Variants in GLI3 observed in about 807,000 individuals in gnomAD.
The protein encoded by GLI3 is GLI family zinc finger 3, also known as transcription activator GLI3.
In GLI3, 20 loss-of-function variants were observed where a neutral mutation model predicts 100.8. That is an observed-to-expected ratio of 0.20 (90% CI 0.14 to 0.29). The LOEUF (loss-of-function observed/expected upper bound fraction) is 0.29, where lower values mean the gene tolerates loss of function less well. Among genes scored for constraint, GLI3 ranks in the 10% least tolerant of loss-of-function variants. The pLI is 1.00. For synonymous variants in GLI3, 938 were observed against 860.5 expected (o/e 1.09, Z -1.58); for missense variants, 2,040 against 2,128.5 (o/e 0.96, Z 0.82).
chr7:42,112,394 A>G (rs1464203207), intron 3 of GLI3, among the ~76,000 whole-genome samples: 1 of 152,194 alleles, frequency 6.6e-6, no homozygotes, highest in Admixed American at 6.5e-5. Flanking sequence ...AGAATGAATA[A>G]GATCTAGTAT....
chr7:42,203,779 A>G (rs1455496840), intron 2 of GLI3, among the ~76,000 whole-genome samples: 1 of 152,112 alleles, frequency 6.6e-6, no homozygotes, highest in Non-Finnish European at 1.5e-5. Flanking sequence ...CAGGCAGATC[A>G]TTTGAGACCA....
At chr7:42,003,164 A>G (rs1275971593) in intron 10 of GLI3, among the ~76,000 whole-genome samples, 3 of 152,250 alleles carry the variant, frequency 2.0e-5, no homozygotes, top group Non-Finnish European at 4.4e-5. Context: ...ACACAAATAT[A>G]ATTACAGACT....
At chr7:42,128,533 A>T (rs79500588) in intron 3 of GLI3, among the ~76,000 whole-genome samples, 2 of 152,358 alleles carry the variant, frequency 1.3e-5, no homozygotes, top group East Asian at 1.9e-4. Flanking sequence ...GTTTTTAGGT[A>T]GAAGTTTAGA....
intron 10 of GLI3, among the ~76,000 whole-genome samples, chr7:42,019,297 T>C (rs1309504832): frequency 3.3e-5 from 5 of 152,208 alleles, no homozygotes; most frequent in East Asian, 1.9e-4. Context: ...ATATACAATG[T>C]CATGCACAAC....
At chr7:42,121,360 G>A (rs10242174) in intron 3 of GLI3, among the ~76,000 whole-genome samples, 36,993 of 152,164 alleles carry the variant, frequency 0.24, 4,956 homozygotes, top group South Asian at 0.39. Flanking sequence ...CAGATGCTGC[G>A]TGTCCTGGGA....
At chr7:42,119,133 G>A (rs1785932843) in intron 3 of GLI3, among the ~76,000 whole-genome samples, 2 of 152,182 alleles carry the variant, frequency 1.3e-5, no homozygotes, top group African/African-American at 2.4e-5. Flanking sequence ...AAGGGAAGCC[G>A]AGGCCTCTGA....
intron 10 of GLI3, among the ~76,000 whole-genome samples, chr7:42,014,780 G>T (rs1367712020): frequency 6.6e-6 from 1 of 152,118 alleles, no homozygotes; most frequent in Non-Finnish European, 1.5e-5. Context: ...TGCATGAAGC[G>T]TTTTCTTCTA....
chr7:42,134,970 A>G (rs1478130002), intron 3 of GLI3, among the ~76,000 whole-genome samples: 1 of 152,166 alleles, frequency 6.6e-6, no homozygotes, highest in Non-Finnish European at 1.5e-5. Flanking sequence ...GAAGAAGGGA[A>G]ATGTTAATTA....
intron 2 of GLI3, among the ~76,000 whole-genome samples, chr7:42,156,536 A>G (rs942968909): frequency 1.3e-5 from 2 of 152,224 alleles, no homozygotes; most frequent in African/African-American, 4.8e-5. Flanking sequence ...CTTACTTTGC[A>G]CATACAGACC....
intron 3 of GLI3, among the ~76,000 whole-genome samples, chr7:42,079,254 C>G (rs981973883): frequency 1.3e-5 from 2 of 152,082 alleles, no homozygotes; most frequent in African/African-American, 2.4e-5. Flanking sequence ...TAAAAGCCAC[C>G]CTCTGTAGAG....
At chr7:42,100,724 A>G (rs186711005) in intron 3 of GLI3, among the ~76,000 whole-genome samples, 254 of 152,294 alleles carry the variant, frequency 1.7e-3, no homozygotes, top group African/African-American at 5.8e-3. Flanking sequence ...TGTGGGTGAC[A>G]GAGCAAGACT....
intron 3 of GLI3, among the ~76,000 whole-genome samples, chr7:42,133,466 C>T (rs528172903): frequency 6.6e-6 from 1 of 152,194 alleles, no homozygotes; most frequent in Non-Finnish European, 1.5e-5. Flanking sequence ...CTAATTGCAC[C>T]GAGTTCCCTC....
intron 4 of GLI3, among the ~76,000 whole-genome samples, chr7:42,064,153 A>T (rs997309240): frequency 1.3e-5 from 2 of 152,154 alleles, no homozygotes; most frequent in African/African-American, 4.8e-5. Context: ...TTTTCAGCAG[A>T]GCTTCACATA....
chr7:42,154,919 T>C (rs920458192), intron 2 of GLI3, among the ~76,000 whole-genome samples: 4 of 152,106 alleles, frequency 2.6e-5, no homozygotes, highest in African/African-American at 9.7e-5. Context: ...CCATTGACAA[T>C]GACGGATGAC....
intron 3 of GLI3, among the ~76,000 whole-genome samples, chr7:42,103,509 T>C (rs1468285040): frequency 1.3e-5 from 2 of 152,148 alleles, no homozygotes; most frequent in East Asian, 3.9e-4. Flanking sequence ...GTGGCTTTGA[T>C]TCAAGTTCTG....
At chr7:42,023,333 A>T in intron 10 of GLI3, 135 bp downstream of exon 10, 1 of 846,850 alleles carries the variant, frequency 1.2e-6, no homozygotes, top group Non-Finnish European at 1.9e-6. Flanking sequence ...CTTTATTCTC[A>T]GAAAGTCATA....
At chr7:42,144,024 C>T (rs1324089495) in intron 3 of GLI3, among the ~76,000 whole-genome samples, 2 of 152,124 alleles carry the variant, frequency 1.3e-5, no homozygotes, top group African/African-American at 4.8e-5. Flanking sequence ...AGACTCTTGA[C>T]AGTAAGACAG....
intron 9 of GLI3, 74 bp downstream of exon 9, chr7:42,025,190 G>A: frequency 1.1e-6 from 1 of 934,126 alleles, no homozygotes; most frequent in South Asian, 1.3e-5. Flanking sequence ...GGTCTGGGGA[G>A]GAAGCGGGAG....
At chr7:41,990,249 G>A (rs889012358) in intron 10 of GLI3, among the ~76,000 whole-genome samples, 9 of 151,920 alleles carry the variant, frequency 5.9e-5, no homozygotes, top group African/African-American at 2.2e-4. Context: ...CAAGCTACTA[G>A]GAGCACCAGT....
Sources: gnomAD v4.1 joint callset for allele counts (sites outside exome capture counted in the v4.1 genomes callset) on GRCh38, gnomAD v4.1.1 for gene constraint, MANE v1.5 for transcripts, NCBI Gene and HGNC (gene_info 2026-07-23, HGNC 2026-07-21) for gene names.